Variants in TMTC2 observed in about 807,000 individuals in gnomAD.
The protein encoded by TMTC2 is protein O-mannosyl-transferase TMTC2.
A neutral mutation model predicts 82.4 loss-of-function variants in TMTC2; 43 were observed. The ratio of observed to expected loss-of-function variants is 0.52; its 90% confidence interval spans 0.41 to 0.67. The LOEUF (loss-of-function observed/expected upper bound fraction) is 0.67. Ranked by LOEUF, TMTC2 falls within the 30% of genes least tolerant of loss-of-function variation. The pLI, the probability that TMTC2 is intolerant of heterozygous loss-of-function variation, is 0.00. For synonymous variants in TMTC2, 408 were observed against 381.9 expected (o/e 1.07, Z -0.80); for missense variants, 919 against 1,012.4 (o/e 0.91, Z 1.25).
chr12:82,856,416 C>T (rs1446893021), intron 1 of TMTC2, among the ~76,000 whole-genome samples: 1 of 152,312 alleles, frequency 6.6e-6, no homozygotes, highest in African/African-American at 2.4e-5. Flanking sequence ...TAATACTCAA[C>T]ATGTGGTCCA....
At chr12:82,697,312 C>T (rs1176799205) in intron 1 of TMTC2, among the ~76,000 whole-genome samples, 1 of 145,630 alleles carries the variant, frequency 6.9e-6, no homozygotes, top group Non-Finnish European at 1.5e-5. Context: ...CCACTGCACT[C>T]CAGCCTGGTG....
At chr12:83,006,426 C>T (rs1055030681) in intron 8 of TMTC2, among the ~76,000 whole-genome samples, 2 of 152,046 alleles carry the variant, frequency 1.3e-5, no homozygotes, top group Non-Finnish European at 2.9e-5. Flanking sequence ...TGTAACGTTT[C>T]CTCTTTCATT....
intron 2 of TMTC2, among the ~76,000 whole-genome samples, chr12:82,875,461 T>A (rs930598605): frequency 2.0e-5 from 3 of 152,178 alleles, no homozygotes; most frequent in African/African-American, 7.2e-5. Flanking sequence ...GCAAGACCTT[T>A]ACTCATTTTT....
At chr12:83,045,752 C>CACACACA (rs3223367) in intron 9 of TMTC2, among the ~76,000 whole-genome samples, 19 of 149,214 alleles carry the variant, frequency 1.3e-4, no homozygotes, top group East Asian at 4.0e-4. Flanking sequence ...CACACACACA[C>CACACACA]CAGGAGTGTC....
At chr12:82,899,065 T>A (rs1388927694) in intron 3 of TMTC2, among the ~76,000 whole-genome samples, 3 of 152,218 alleles carry the variant, frequency 2.0e-5, no homozygotes, top group Admixed American at 6.5e-5. Context: ...AAAACAATTA[T>A]TAAACATTTC....
At chr12:82,790,614 A>T (rs1458253335) in intron 1 of TMTC2, among the ~76,000 whole-genome samples, 1 of 151,834 alleles carries the variant, frequency 6.6e-6, no homozygotes, top group Non-Finnish European at 1.5e-5. Context: ...GGATCACCTG[A>T]GGTCAGGAGT....
intron 1 of TMTC2, among the ~76,000 whole-genome samples, chr12:82,706,741 G>C (rs572989126): frequency 1.1e-3 from 161 of 152,280 alleles, no homozygotes; most frequent in Middle Eastern, 6.8e-3. Flanking sequence ...TGAATGTGGA[G>C]GGTTAAGGGG....
intron 1 of TMTC2, among the ~76,000 whole-genome samples, chr12:82,726,740 G>A (rs928074382): frequency 6.6e-6 from 1 of 151,910 alleles, no homozygotes; most frequent in Non-Finnish European, 1.5e-5. Context: ...TTAGCCGGGC[G>A]TGTTGGTGGG....
intron 8 of TMTC2, among the ~76,000 whole-genome samples, chr12:83,021,362 C>T (rs1880915601): frequency 6.6e-6 from 1 of 152,162 alleles, no homozygotes; most frequent in Non-Finnish European, 1.5e-5. Context: ...CCTATCAACA[C>T]TTGCTTTCAT....
In TMTC2 at chr12:83,033,886, G is replaced by A. The variant is rs562605108; in HGVS notation, c.2152+3007G>A. ...TGTATGTGTATATATATATATGTGT[G>A]TGTATATATATATATATGTATATAT... On this transcript the variant is annotated intron_variant, in intron 9 of 11. Transcript: ENST00000321196. 1.2e-3 allele frequency among the ~76,000 whole-genome samples: 175 copies of A among 149,316 alleles called. 6 individuals are homozygous for A. The South Asian group carries it at 0.036, about 31-fold the overall frequency.
At chr12:82,727,996 G>C (rs529083570) in intron 1 of TMTC2, among the ~76,000 whole-genome samples, 1 of 152,252 alleles carries the variant, frequency 6.6e-6, no homozygotes, top group South Asian at 2.1e-4. Flanking sequence ...TCAAGGATAT[G>C]AGGTCCCTTA....
intron 1 of TMTC2, among the ~76,000 whole-genome samples, chr12:82,814,992 C>T (rs1174898727): frequency 6.6e-6 from 1 of 151,970 alleles, no homozygotes. Flanking sequence ...AGAGGATGAG[C>T]GGGTGTAAAC....
intron 11 of TMTC2, among the ~76,000 whole-genome samples, chr12:83,115,074 A>G (rs1158688645): frequency 6.6e-6 from 1 of 152,070 alleles, no homozygotes; most frequent in African/African-American, 2.4e-5. Flanking sequence ...TGATTATTCC[A>G]GTGACAGGTT....
chr12:82,722,398 C>CAAAAAAAAAA (rs67785786), intron 1 of TMTC2, among the ~76,000 whole-genome samples: 4 of 102,522 alleles, frequency 3.9e-5, no homozygotes, highest in East Asian at 2.8e-4. Context: ...ACTAAAAATA[C>CAAAAAAAAAA]AAAAAAAAAA....
At chr12:82,862,310 T>C (rs1050388173) in intron 2 of TMTC2, among the ~76,000 whole-genome samples, 8 of 152,220 alleles carry the variant, frequency 5.3e-5, no homozygotes, top group African/African-American at 1.9e-4. Context: ...AGTCATTGCT[T>C]GCCTAGTGGC....
At position 82,722,398 on chromosome 12, in the gene TMTC2, CA is replaced by C. The variant is rs67785786; in HGVS notation, c.83+34748del. Among the ~76,000 whole-genome samples the C allele has an allele frequency of 1.2e-3, 122 of 102,558 alleles. 1 individual carries two copies. Among genetic ancestry groups the C allele is most frequent in the East Asian group, 2.8e-3 (10 of 3,548 alleles). The allele number at this position is 102,558 out of a possible 152,430, so 67.3% of individuals were successfully genotyped here. A position where few individuals can be genotyped will look rare whatever the true frequency, so the allele number is the denominator to read the frequency against. On this transcript the variant is annotated intron_variant, in intron 1 of 11. Coordinates refer to ENST00000321196, the MANE Select transcript of TMTC2 (RefSeq NM_152588.3). ...TGAAACCCCGTCTCTACTAAAAATA[CA>C]AAAAAAAAAAAAAAAAAATTAGCCG...
At chr12:82,988,208 C>T (rs1879250487) in intron 8 of TMTC2, among the ~76,000 whole-genome samples, 1 of 152,136 alleles carries the variant, frequency 6.6e-6, no homozygotes, top group South Asian at 2.1e-4. Flanking sequence ...ATAAGAGATA[C>T]AGCTGATTTT....
At chr12:82,802,255 G>A (rs1369819260) in intron 1 of TMTC2, among the ~76,000 whole-genome samples, 4 of 152,300 alleles carry the variant, frequency 2.6e-5, no homozygotes, top group African/African-American at 4.8e-5. Context: ...GGCAGGGCCC[G>A]CCGGCAGCTC....
chr12:82,989,520 A>G (rs568388600), intron 8 of TMTC2, among the ~76,000 whole-genome samples: 3 of 152,210 alleles, frequency 2.0e-5, no homozygotes, highest in African/African-American at 7.2e-5. Context: ...CCTTTAAAAA[A>G]AAATCTAAAA....
Sources: gnomAD v4.1 joint callset for allele counts (sites outside exome capture counted in the v4.1 genomes callset) on GRCh38, gnomAD v4.1.1 for gene constraint, MANE v1.5 for transcripts, NCBI Gene and HGNC (gene_info 2026-07-23, HGNC 2026-07-21) for gene names.